Variants in NAV2 observed in about 807,000 individuals in gnomAD.
NAV2 encodes the protein neuron navigator 2, also known as helicase, APC down-regulated 1.
Under a neutral mutation model 223.2 loss-of-function variants are expected in NAV2, and 54 were observed. The ratio of observed to expected loss-of-function variants is 0.24; its 90% confidence interval spans 0.19 to 0.30. NAV2 has a LOEUF of 0.30. Ranked by LOEUF, NAV2 falls within the 10% of genes least tolerant of loss-of-function variation. The probability of loss-of-function intolerance (pLI) is 1.00; values close to 1 mark genes in which losing one functional copy is unlikely to be tolerated. For synonymous variants in NAV2, 1,279 were observed against 1,239.3 expected (o/e 1.03, Z -0.67); for missense variants, 2,806 against 3,147.5 (o/e 0.89, Z 2.60).
intron 6 of NAV2, among the ~76,000 whole-genome samples, chr11:19,932,718 A>G (rs2045492458): frequency 6.6e-6 from 1 of 152,210 alleles, no homozygotes; most frequent in Non-Finnish European, 1.5e-5. Flanking sequence ...AAGATTCTAC[A>G]TGGTTTCTCC....
chr11:19,804,760 G>C, intron 1 of NAV2, among the ~76,000 whole-genome samples: 1 of 152,178 alleles, frequency 6.6e-6, no homozygotes, highest in East Asian at 1.9e-4. Context: ...TGCTGTTAGA[G>C]AATTTAACAT....
At chr11:19,476,268 C>T (rs917567281) in intron 1 of NAV2, among the ~76,000 whole-genome samples, 23 of 152,172 alleles carry the variant, frequency 1.5e-4, no homozygotes, top group African/African-American at 5.1e-4. Context: ...CCACTGCACC[C>T]GGCCCATTCT....
chr11:19,417,719 C>T lies in NAV2; in HGVS notation c.75+66692C>T, dbSNP rs181041241. On this transcript the variant is annotated intron_variant, in intron 1 of 37. Transcript: ENST00000360655. ...AAAGACTTGGAACCAACCCAAATGC[C>T]GACTGGATAAAGACAACGTGACACA... Among the ~76,000 whole-genome samples the T allele has an allele frequency of 1.6e-3, 240 of 152,164 alleles. 2 individuals are homozygous for T. Among genetic ancestry groups the T allele is most frequent in the South Asian group, 8.7e-3 (42 of 4,814 alleles).
At chr11:19,449,250 C>T (rs1851699372) in intron 1 of NAV2, among the ~76,000 whole-genome samples, 1 of 152,106 alleles carries the variant, frequency 6.6e-6, no homozygotes, top group African/African-American at 2.4e-5. Flanking sequence ...ATGTAGAGGG[C>T]TCTTGAAACA....
intron 19 of NAV2, among the ~76,000 whole-genome samples, chr11:20,061,661 A>G (rs1266664884): frequency 5.3e-5 from 8 of 152,198 alleles, no homozygotes; most frequent in Non-Finnish European, 1.2e-4. Context: ...ATCAGTTTGA[A>G]ACAGAAAAGA....
At chr11:19,787,304 T>TG (rs1420183741) in intron 1 of NAV2, among the ~76,000 whole-genome samples, 1 of 127,970 alleles carries the variant, frequency 7.8e-6, no homozygotes, top group Admixed American at 9.0e-5. Context: ...TTTTTGGAGA[T>TG]GGGGTCTCAG....
In NAV2 at chr11:19,523,746, G is replaced by A. The variant is rs148685952; in HGVS notation, c.75+172719G>A. 3.5e-3 allele frequency among the ~76,000 whole-genome samples: 537 copies of A among 152,236 alleles called. 3 individuals carry two copies. Among genetic ancestry groups the A allele is most frequent in the Middle Eastern group, 0.02 (6 of 294 alleles). On this transcript the variant is annotated intron_variant, in intron 1 of 37. Transcript: ENST00000360655. ...GCAAAGCAATTGCTCTTCAGGACTC[G>A]TCACCATCTGCACCCCACCTTCTTC...
intron 10 of NAV2, among the ~76,000 whole-genome samples, chr11:19,971,527 C>T (rs2049244594): frequency 6.6e-6 from 1 of 152,162 alleles, no homozygotes; most frequent in Non-Finnish European, 1.5e-5. Flanking sequence ...ACACCCCAGC[C>T]ACACAGCCTT....
At chr11:19,521,142 G>T (rs2702708) in intron 1 of NAV2, among the ~76,000 whole-genome samples, 1 of 151,978 alleles carries the variant, frequency 6.6e-6, no homozygotes, top group Non-Finnish European at 1.5e-5. Context: ...TGAACCCTGC[G>T]TCTCCCCATC....
intron 1 of NAV2, among the ~76,000 whole-genome samples, chr11:19,703,497 C>T (rs1290054049): frequency 2.0e-5 from 3 of 152,172 alleles, no homozygotes; most frequent in South Asian, 4.1e-4. Flanking sequence ...CAGGAGCAAC[C>T]GGTAGAGTAA....
At chr11:19,384,970 T>C (rs1036233780) in intron 1 of NAV2, 3 of 152,058 alleles carry the variant, frequency 2.0e-5, no homozygotes, top group African/African-American at 7.3e-5. Context: ...CCAGAATATA[T>C]AAAGATTTCC....
rs935572401 is a variant in NAV2, at chr11:20,118,947, C to T, written c.*689C>T. On this transcript the variant is annotated 3_prime_UTR_variant, in exon 38 of 38. Transcript: ENST00000349880. ...ATCAAACCACCCCATTCAGGTCCAT[C>T]AGCCTCTGATTAATATCCGTGAGAG... is the stretch of plus-strand genomic sequence containing the variant. The T allele has an allele frequency of 6.5e-6, 1 of 152,738 alleles. No individual in the cohort carries two copies. Among genetic ancestry groups the T allele is most frequent in the Non-Finnish European group, 1.5e-5 (1 of 68,162 alleles). 9.5% of individuals were successfully genotyped at this position (152,738 alleles called of 1,614,324 possible).
chr11:19,918,498 T>C (rs1349897028), intron 6 of NAV2, among the ~76,000 whole-genome samples: 1 of 152,222 alleles, frequency 6.6e-6, no homozygotes, highest in Non-Finnish European at 1.5e-5. Flanking sequence ...GACGTGCAAC[T>C]GAATGAAAAA....
chr11:19,458,419 A>C (rs1460501773), intron 1 of NAV2, among the ~76,000 whole-genome samples: 1 of 152,242 alleles, frequency 6.6e-6, no homozygotes, highest in Non-Finnish European at 1.5e-5. Flanking sequence ...CCACACATTC[A>C]TGTGAAATAT....
intron 1 of NAV2, among the ~76,000 whole-genome samples, chr11:19,722,822 A>G (rs1423228256): frequency 6.6e-6 from 1 of 152,214 alleles, no homozygotes; most frequent in Non-Finnish European, 1.5e-5. Flanking sequence ...TAGGAGACAG[A>G]GACACAGAGT....
intron 3 of NAV2, among the ~76,000 whole-genome samples, chr11:19,844,657 ATAT>A (rs2060688489): frequency 6.6e-6 from 1 of 152,222 alleles, no homozygotes; most frequent in Non-Finnish European, 1.5e-5. Context: ...TCAACCTGTA[ATAT>A]TGTCATTTCA....
intron 20 of NAV2, among the ~76,000 whole-genome samples, chr11:20,066,691 G>A (rs1329578208): frequency 6.6e-6 from 1 of 152,170 alleles, no homozygotes; most frequent in African/African-American, 2.4e-5. Flanking sequence ...TACCCACTTT[G>A]TATTGTGAAC....
In NAV2 at chr11:19,897,887, TA is replaced by T. The variant is rs1251524346; in HGVS notation, c.931+5294del. 1.1e-3 allele frequency among the ~76,000 whole-genome samples: 97 copies of T among 90,176 alleles called. 7 individuals carry two copies. Among genetic ancestry groups the T allele is most frequent in the African/African-American group, 3.9e-3 (90 of 23,048 alleles). The allele number at this position is 90,176 out of a possible 152,430, so 59.2% of individuals were successfully genotyped here. ...CCACAGCTGTGCCTGACCTGTGATT[TA>T]TATATATATATATATATGTGAGCAG... On this transcript the variant is annotated intron_variant, in intron 6 of 37. Transcript: ENST00000349880.
At chr11:19,389,876 T>C (rs113672783) in intron 1 of NAV2, among the ~76,000 whole-genome samples, 34 of 152,316 alleles carry the variant, frequency 2.2e-4, no homozygotes, top group African/African-American at 8.2e-4. Flanking sequence ...GGTTCCTACA[T>C]TGCTTCTCAG....
Sources: allele counts gnomAD v4.1 joint callset (sites outside exome capture counted in the v4.1 genomes callset), GRCh38; gene constraint gnomAD v4.1.1; transcripts MANE v1.5; gene names NCBI Gene and HGNC (gene_info 2026-07-23, HGNC 2026-07-21).